The following SDHAF3 variants were observed in gnomAD, a reference collection of about 807,000 sequenced individuals.
The protein encoded by SDHAF3 is succinate dehydrogenase complex assembly factor 3, also known as succinate dehydrogenase assembly factor 3, mitochondrial.
Under a neutral mutation model 11.5 loss-of-function variants are expected in SDHAF3, and 18 were observed. The observed-to-expected ratio is 1.56, with a 90% CI of 1.08 to 2.32. The LOEUF (loss-of-function observed/expected upper bound fraction) is 2.32. Among genes scored for constraint, SDHAF3 ranks in the 30% most tolerant of loss-of-function variants. The pLI, the probability that SDHAF3 is intolerant of heterozygous loss-of-function variation, is 0.00. For missense variants in SDHAF3, 200 were observed against 154.4 expected (o/e 1.30, Z -1.57); for synonymous variants, 72 against 59.3 (o/e 1.21, Z -0.99).
intron 1 of SDHAF3, among the ~76,000 whole-genome samples, chr7:97,138,167 ATT>A (rs11345197): frequency 7.4e-6 from 1 of 134,350 alleles, no homozygotes; most frequent in Non-Finnish European, 1.6e-5. Context: ...CCCCACTGGC[ATT>A]TTTTTTTTTT....
At chr7:97,148,234 C>G (rs1789166089) in intron 1 of SDHAF3, among the ~76,000 whole-genome samples, 1 of 152,106 alleles carries the variant, frequency 6.6e-6, no homozygotes, top group Admixed American at 6.6e-5. Context: ...AGATGTTTCA[C>G]CTTTAAGAAT....
At chr7:97,145,051 T>G (rs533666669) in intron 1 of SDHAF3, among the ~76,000 whole-genome samples, 11 of 114,458 alleles carry the variant, frequency 9.6e-5, no homozygotes, top group Admixed American at 6.8e-4. Context: ...GTATTTTTTG[T>G]TTTTTTTTTT....
chr7:97,180,411 C>T (rs912839970), intron 1 of SDHAF3, among the ~76,000 whole-genome samples: 5 of 152,124 alleles, frequency 3.3e-5, no homozygotes, highest in African/African-American at 1.2e-4. Context: ...ACATTGAGCA[C>T]ACATGGATGT....
At chr7:97,148,726 A>G (rs557216086) in intron 1 of SDHAF3, among the ~76,000 whole-genome samples, 1 of 152,300 alleles carries the variant, frequency 6.6e-6, no homozygotes, top group South Asian at 2.1e-4. Flanking sequence ...TCTAACAACT[A>G]TTGCTTTACT....
intron 1 of SDHAF3, among the ~76,000 whole-genome samples, chr7:97,150,640 T>C (rs1427429552): frequency 1.3e-5 from 2 of 150,130 alleles, no homozygotes; most frequent in African/African-American, 2.5e-5. Context: ...CTCAGCTCAC[T>C]GTAAGCTCTG....
intron 1 of SDHAF3, among the ~76,000 whole-genome samples, chr7:97,159,844 G>A (rs2115713536): frequency 6.6e-6 from 1 of 152,300 alleles, no homozygotes; most frequent in South Asian, 2.1e-4. Flanking sequence ...GTTTCGAGAA[G>A]GTTGGTTCTG....
At chr7:97,128,085 A>G (rs1429704734) in intron 1 of SDHAF3, among the ~76,000 whole-genome samples, 3 of 151,852 alleles carry the variant, frequency 2.0e-5, no homozygotes, top group East Asian at 3.9e-4. Context: ...TTTAGTAGAG[A>G]TGGGGTTTCA....
At chr7:97,136,584 G>C in intron 1 of SDHAF3, 1 of 462,586 alleles carries the variant, frequency 2.2e-6, no homozygotes. Context: ...ATTGAACTAT[G>C]TACAGTACGC....
chr7:97,124,974 C>T (rs62499464), intron 1 of SDHAF3, among the ~76,000 whole-genome samples: 20,621 of 152,096 alleles, frequency 0.14, 1,916 homozygotes, highest in Non-Finnish European at 0.2. Flanking sequence ...TATTTGAATA[C>T]GTTTTATTTT....
At chr7:97,140,000 A>G (rs1789004319) in intron 1 of SDHAF3, among the ~76,000 whole-genome samples, 1 of 152,210 alleles carries the variant, frequency 6.6e-6, no homozygotes, top group Non-Finnish European at 1.5e-5. Context: ...AAAACCCATC[A>G]GTGTTTTCCC....
intron 1 of SDHAF3, among the ~76,000 whole-genome samples, chr7:97,138,794 G>A (rs1224787703): frequency 6.6e-6 from 1 of 152,246 alleles, no homozygotes; most frequent in Non-Finnish European, 1.5e-5. Context: ...TGTTGACACA[G>A]TATTTTTTTG....
At chr7:97,174,506 C>T (rs1238179703) in intron 1 of SDHAF3, among the ~76,000 whole-genome samples, 3 of 152,158 alleles carry the variant, frequency 2.0e-5, no homozygotes, top group Non-Finnish European at 4.4e-5. Context: ...GTTCCAGGGC[C>T]TGATGCAAGA....
chr7:97,158,892 T>C (rs2115711293), intron 1 of SDHAF3, among the ~76,000 whole-genome samples: 1 of 152,326 alleles, frequency 6.6e-6, no homozygotes, highest in South Asian at 2.1e-4. Flanking sequence ...ATTGTTACAG[T>C]GTAAGGCTCA....
intron 1 of SDHAF3, among the ~76,000 whole-genome samples, chr7:97,118,491 C>T (rs1791443423): frequency 6.6e-6 from 1 of 151,760 alleles, no homozygotes; most frequent in Non-Finnish European, 1.5e-5. Flanking sequence ...TGTTACTTCG[C>T]CCTGCACCAT....
At chr7:97,178,497 G>A (rs1416367457) in intron 1 of SDHAF3, among the ~76,000 whole-genome samples, 1 of 152,140 alleles carries the variant, frequency 6.6e-6, no homozygotes, top group Non-Finnish European at 1.5e-5. Context: ...ATCAATGTAT[G>A]AGGATTCTAG....
intron 1 of SDHAF3, among the ~76,000 whole-genome samples, chr7:97,147,525 G>A (rs571036322): frequency 6.6e-6 from 1 of 152,290 alleles, no homozygotes; most frequent in Non-Finnish European, 1.5e-5. Context: ...AGGGTACTTA[G>A]GTTGATTTGC....
In SDHAF3 at chr7:97,180,998, C is replaced by A. The variant is rs568833360; in HGVS notation, c.175-14C>A. The stretch of plus-strand genomic sequence containing the variant: ...AAACTTTACATCTATAACCTTCATT[C>A]TTTATCTTTTTAGGTGTATGCAACA... On this transcript the variant is annotated splice_polypyrimidine_tract_variant and intron_variant, in intron 1 of 1. Transcript: ENST00000432641. The A allele has an allele frequency of 1.9e-6, 3 of 1,601,450 alleles. No homozygotes were observed. The African/African-American group carries it at 4.0e-5, about 22-fold the overall frequency.
intron 1 of SDHAF3, among the ~76,000 whole-genome samples, chr7:97,133,711 C>G (rs901041860): frequency 1.3e-5 from 2 of 152,016 alleles, no homozygotes; most frequent in Non-Finnish European, 2.9e-5. Flanking sequence ...TTAGCTTAAC[C>G]CTAGAGGAGG....
chr7:97,177,471 C>T (rs1789697190), intron 1 of SDHAF3, among the ~76,000 whole-genome samples: 1 of 152,012 alleles, frequency 6.6e-6, no homozygotes, highest in South Asian at 2.1e-4. Flanking sequence ...CACTGCACTC[C>T]AGCTTGGGCA....
Sources: allele counts gnomAD v4.1 joint callset (sites outside exome capture counted in the v4.1 genomes callset), GRCh38; gene constraint gnomAD v4.1.1; transcripts MANE v1.5; gene names NCBI Gene and HGNC (gene_info 2026-07-23, HGNC 2026-07-21).